Variants in LIMS1 observed in about 807,000 individuals in gnomAD.
LIMS1 encodes the protein LIM and senescent cell antigen-like-containing domain protein 1.
LIMS1 carries 18 observed loss-of-function variants against 44.1 expected under a neutral mutation model. The ratio of observed to expected loss-of-function variants is 0.41; its 90% CI spans 0.28 to 0.61. The LOEUF (loss-of-function observed/expected upper bound fraction) is 0.61, where lower values mean the gene tolerates loss of function less well. Among genes scored for constraint, LIMS1 ranks in the 20% least tolerant of loss-of-function variants. The pLI is 0.32. For synonymous variants in LIMS1, 93 were observed against 149.1 expected (o/e 0.62, Z 2.74); for missense variants, 201 against 422.0 (o/e 0.48, Z 4.59).
intron 1 of LIMS1, among the ~76,000 whole-genome samples, chr2:108,540,838 C>A (rs985546659): frequency 6.6e-6 from 1 of 152,184 alleles, no homozygotes; most frequent in South Asian, 2.1e-4. Flanking sequence ...ATTGTGGGGT[C>A]TCCTCTGCTA....
chr2:108,592,951 T>G (rs1044879170), intron 1 of LIMS1, among the ~76,000 whole-genome samples: 2 of 152,214 alleles, frequency 1.3e-5, no homozygotes, highest in African/African-American at 4.8e-5. Context: ...TTGGGTTGTT[T>G]CCATACCTTG....
At chr2:108,640,104 G>A (rs1256957386) in intron 1 of LIMS1, among the ~76,000 whole-genome samples, 4 of 152,196 alleles carry the variant, frequency 2.6e-5, no homozygotes, top group Non-Finnish European at 5.9e-5. Context: ...TGTGATGGGA[G>A]TGTCTCCATT....
At chr2:108,557,108 C>T (rs915220702) in intron 1 of LIMS1, among the ~76,000 whole-genome samples, 2 of 152,308 alleles carry the variant, frequency 1.3e-5, no homozygotes, top group Admixed American at 6.5e-5. Flanking sequence ...TATAGGGTCT[C>T]ACTGTGTCTC....
intron 1 of LIMS1, among the ~76,000 whole-genome samples, chr2:108,547,141 A>C (rs1684506880): frequency 6.6e-6 from 1 of 152,246 alleles, no homozygotes; most frequent in Non-Finnish European, 1.5e-5. Flanking sequence ...TGACTTCAAC[A>C]CAAAACTGGT....
In LIMS1 at chr2:108,683,655, G is replaced by A. The variant is rs561974348; in HGVS notation, c.900-230G>A. Among the ~76,000 whole-genome samples the A allele has an allele frequency of 2.0e-4, 30 of 151,770 alleles. No individual in the cohort carries two copies. The South Asian group carries it at 6.0e-3, about 30-fold the overall frequency. On this transcript the variant is annotated intron_variant, in intron 9 of 9. Transcript: ENST00000544547. ...AATCTACAGTCTGTGTTACACAGAT[G>A]GATGTATAGAACCAATTTATAAGGA... is the stretch of plus-strand genomic sequence containing the variant.
At chr2:108,537,252 G>A (rs1342995673) in intron 1 of LIMS1, among the ~76,000 whole-genome samples, 1 of 152,168 alleles carries the variant, frequency 6.6e-6, no homozygotes, top group African/African-American at 2.4e-5. Flanking sequence ...AAAGGTCTTG[G>A]AGACCCTCAG....
At chr2:108,634,644 C>CT (rs1689112359) in intron 1 of LIMS1, among the ~76,000 whole-genome samples, 1 of 152,228 alleles carries the variant, frequency 6.6e-6, no homozygotes, top group African/African-American at 2.4e-5. Flanking sequence ...ACACATGGTC[C>CT]TTTTCACCAC....
At chr2:108,584,184 T>C (rs1055350279) in intron 1 of LIMS1, among the ~76,000 whole-genome samples, 7 of 152,120 alleles carry the variant, frequency 4.6e-5, no homozygotes, top group African/African-American at 1.4e-4. Flanking sequence ...CTCTCCACAA[T>C]CACAGTGAGC....
At chr2:108,675,911 A>G (rs1186950203) in exon 6 of LIMS1, 2 of 1,613,848 alleles carry the variant, frequency 1.2e-6, no homozygotes, top group Admixed American at 1.7e-5. Flanking sequence ...GGGAGCTGAA[A>G]GGGGAGCTAT....
chr2:108,636,803 G>C (rs1015498929), intron 1 of LIMS1, among the ~76,000 whole-genome samples: 1 of 152,160 alleles, frequency 6.6e-6, no homozygotes, highest in Non-Finnish European at 1.5e-5. Flanking sequence ...AGAATGGAGA[G>C]CTCTGTGTGG....
chr2:108,593,546 T>A (rs892265433), intron 1 of LIMS1, among the ~76,000 whole-genome samples: 1 of 152,170 alleles, frequency 6.6e-6, no homozygotes, highest in Admixed American at 6.5e-5. Context: ...TTACGTCAAT[T>A]TACAATAAAC....
At chr2:108,588,630 T>C in intron 1 of LIMS1, 1 of 983,240 alleles carries the variant, frequency 1.0e-6, no homozygotes, top group Non-Finnish European at 1.2e-6. Context: ...AAACACAGGG[T>C]ATTGTTGTAT....
chr2:108,574,181 T>C (rs1160598661), intron 1 of LIMS1, among the ~76,000 whole-genome samples: 2 of 152,194 alleles, frequency 1.3e-5, no homozygotes, highest in Non-Finnish European at 2.9e-5. Flanking sequence ...TACATGAGTT[T>C]TGTAATGGAG....
intron 1 of LIMS1, among the ~76,000 whole-genome samples, chr2:108,589,878 A>G (rs1299174594): frequency 3.3e-5 from 5 of 152,124 alleles, no homozygotes; most frequent in African/African-American, 1.2e-4. Flanking sequence ...CTAGTTTCAT[A>G]CCATTGTGAT....
chr2:108,611,987 A>G (rs1445137071), intron 1 of LIMS1, among the ~76,000 whole-genome samples: 1 of 144,852 alleles, frequency 6.9e-6, no homozygotes, highest in Admixed American at 7.0e-5. Context: ...AAATATATAT[A>G]CATATATTAT....
chr2:108,667,538 T>A (rs866504958), intron 2 of LIMS1, among the ~76,000 whole-genome samples: 6,819 of 128,480 alleles, frequency 0.053, 233 homozygotes, highest in Middle Eastern at 0.098. Context: ...CAACCTTTTT[T>A]AAAAAAAAAA....
intron 1 of LIMS1, among the ~76,000 whole-genome samples, chr2:108,568,120 C>A (rs1338433163): frequency 6.6e-6 from 1 of 152,096 alleles, no homozygotes. Context: ...ATTTTTGTGA[C>A]CAGAAATATG....
At chr2:108,643,792 C>G (rs1157032179) in intron 1 of LIMS1, among the ~76,000 whole-genome samples, 1 of 152,202 alleles carries the variant, frequency 6.6e-6, no homozygotes, top group Non-Finnish European at 1.5e-5. Flanking sequence ...GCTAGTATAG[C>G]AGACTGAGCT....
exon 10 of LIMS1, chr2:108,685,080 T>C (rs1207696700): frequency 3.3e-5 from 5 of 152,136 alleles, no homozygotes; most frequent in Admixed American, 1.3e-4. Flanking sequence ...AACTATTCTC[T>C]TTTTGGGGAA....
Sources: gnomAD v4.1 joint callset for allele counts (sites outside exome capture counted in the v4.1 genomes callset) on GRCh38, gnomAD v4.1.1 for gene constraint, MANE v1.5 for transcripts, NCBI Gene and HGNC (gene_info 2026-07-23, HGNC 2026-07-21) for gene names.